The following IPCEF1 variants were observed in gnomAD, a reference collection of about 807,000 sequenced individuals.
IPCEF1 encodes interaction protein for cytohesin exchange factors 1, also known as interactor protein for cytohesin exchange factors 1.
Under a neutral mutation model 50.9 loss-of-function variants are expected in IPCEF1, and 31 were observed. That is an observed-to-expected ratio of 0.61 (90% confidence interval 0.46 to 0.82). The LOEUF (loss-of-function observed/expected upper bound fraction) is 0.82, where lower values mean the gene tolerates loss of function less well. IPCEF1 is among the 40% of genes least tolerant of loss of function. The pLI, the probability that IPCEF1 is intolerant of heterozygous loss-of-function variation, is 0.00. For synonymous variants in IPCEF1, 181 were observed against 192.0 expected (o/e 0.94, Z 0.47); for missense variants, 458 against 514.0 (o/e 0.89, Z 1.05).
rs927184859 is a variant in IPCEF1 at position 154,266,978 on chromosome 6, T to C, written c.-17-1014A>G. Among the ~76,000 whole-genome samples, 11 of 152,180 alleles carry C rather than the reference T, an allele frequency of 7.2e-5. 1 individual carries two copies. Among genetic ancestry groups the C allele is most frequent in the African/African-American group, 2.2e-4 (9 of 41,456 alleles). On this transcript the variant is annotated intron_variant, in intron 2 of 11. Coordinates refer to ENST00000367220, the MANE Select transcript of IPCEF1 (RefSeq NM_001130700.2). Reference sequence around the variant, plus strand: ...ACACATTCATGACCTGTTTGTTTCTTACACCAGTGGAGGTCCCCAAATTCT... The same window carrying C: ...ACACATTCATGACCTGTTTGTTTCTCACACCAGTGGAGGTCCCCAAATTCT...
intron 11 of IPCEF1, among the ~76,000 whole-genome samples, chr6:154,164,171 A>G (rs1583679908): frequency 6.6e-6 from 1 of 152,240 alleles, no homozygotes; most frequent in East Asian, 1.9e-4. Flanking sequence ...ATATTAAAAA[A>G]TTAAATAAGA....
At chr6:154,286,879 C>T (rs1370462691) in intron 2 of IPCEF1, among the ~76,000 whole-genome samples, 1 of 152,170 alleles carries the variant, frequency 6.6e-6, no homozygotes, top group Non-Finnish European at 1.5e-5. Flanking sequence ...TTGTTTGGCC[C>T]CGTGTCCCCA....
rs758298492 is a variant in IPCEF1, at chr6:154,168,579, C to T, written c.911-466G>A. 2.6e-5 allele frequency among the ~76,000 whole-genome samples: 4 copies of T among 151,978 alleles called. No homozygotes were observed. Among genetic ancestry groups the T allele is most frequent in the Non-Finnish European group, 4.4e-5 (3 of 67,996 alleles). ...TATTAGGGGTTAGGACGTCAACATA[C>T]GAATTTTATTAATTAATTAATTAAT... is the stretch of plus-strand genomic sequence containing the variant. On this transcript the variant is annotated intron_variant, in intron 10 of 11. Coordinates refer to ENST00000367220, the MANE Select transcript of IPCEF1 (RefSeq NM_001130700.2). This position sits in a 1 kb window ranked among gnomAD's most constrained non-coding sequence, Gnocchi z 4.1.
In IPCEF1 at chr6:154,238,251, C is replaced by CTTTA. The variant is rs577208382; in HGVS notation, c.246+8336_246+8339dup. ...AAACTCGTGCCATGGTGGTAGGAAC[C>CTTTA]TTTATTTATTTATTTATTTTTTAGA... On this transcript the variant is annotated intron_variant, in intron 5 of 11. Transcript: ENST00000367220. 7.2e-3 allele frequency among the ~76,000 whole-genome samples: 1,100 copies of CTTTA among 151,960 alleles called. 15 individuals are homozygous for CTTTA. Among genetic ancestry groups the CTTTA allele is most frequent in the African/African-American group, 0.026 (1,057 of 41,430 alleles).
intron 1 of IPCEF1, among the ~76,000 whole-genome samples, chr6:154,323,482 A>ATTTAGTATTTACAAATAAACG (rs1441252345): frequency 6.6e-6 from 1 of 152,244 alleles, no homozygotes; most frequent in African/African-American, 2.4e-5. Flanking sequence ...ATAAACGTTT[A>ATTTAGTATTTACAAATAAACG]TTTAGTATTT....
intron 2 of IPCEF1, among the ~76,000 whole-genome samples, chr6:154,281,382 C>G (rs1297485922): frequency 6.6e-6 from 1 of 151,360 alleles, no homozygotes; most frequent in African/African-American, 2.4e-5. Flanking sequence ...TTTAAAGTAG[C>G]CTTGTGTGGT....
chr6:154,238,182 A>C (rs1780290178), intron 5 of IPCEF1, among the ~76,000 whole-genome samples: 1 of 152,198 alleles, frequency 6.6e-6, no homozygotes, highest in African/African-American at 2.4e-5. Flanking sequence ...TATTTTTGTA[A>C]AACATAGAAA....
At chr6:154,223,953 C>T (rs925524207) in intron 5 of IPCEF1, among the ~76,000 whole-genome samples, 4 of 152,142 alleles carry the variant, frequency 2.6e-5, no homozygotes, top group Non-Finnish European at 5.9e-5. Flanking sequence ...CTTTACATCA[C>T]CAAAAACATG....
chr6:154,223,603 T>C (rs1428387835), intron 5 of IPCEF1, among the ~76,000 whole-genome samples: 1 of 152,234 alleles, frequency 6.6e-6, no homozygotes, highest in Non-Finnish European at 1.5e-5. Flanking sequence ...GCATCTTCTA[T>C]TCCTACGACT....
At chr6:154,282,719 T>C (rs971232720) in intron 2 of IPCEF1, among the ~76,000 whole-genome samples, 3 of 152,176 alleles carry the variant, frequency 2.0e-5, no homozygotes, top group Non-Finnish European at 4.4e-5. Context: ...TCAAAGTACT[T>C]ACTCCTCTTT....
intron 2 of IPCEF1, among the ~76,000 whole-genome samples, chr6:154,280,994 G>A (rs1782192784): frequency 6.6e-6 from 1 of 151,982 alleles, no homozygotes; most frequent in Admixed American, 6.6e-5. Flanking sequence ...GAGGCCAGGA[G>A]TTTGAGACCA....
intron 10 of IPCEF1, among the ~76,000 whole-genome samples, chr6:154,191,323 T>C (rs1229693587): frequency 2.6e-5 from 4 of 152,146 alleles, no homozygotes; most frequent in African/African-American, 4.8e-5. Flanking sequence ...TATTAGTGGA[T>C]ACATGACGTT....
chr6:154,237,102 A>C (rs573346514), intron 5 of IPCEF1, among the ~76,000 whole-genome samples: 2 of 152,326 alleles, frequency 1.3e-5, no homozygotes, highest in South Asian at 2.1e-4. Flanking sequence ...TCTGTAGAAG[A>C]AGCAGCTGGA....
intron 9 of IPCEF1, among the ~76,000 whole-genome samples, chr6:154,202,170 A>G (rs1777123093): frequency 6.6e-6 from 1 of 152,216 alleles, no homozygotes; most frequent in Non-Finnish European, 1.5e-5. Flanking sequence ...TACACTTTTA[A>G]GTAGCATGAC....
rs573974098 is a variant in IPCEF1 at position 154,156,212 on chromosome 6, G to A, written c.*3616C>T. The A allele has an allele frequency of 1.3e-5, 2 of 152,426 alleles. No homozygotes were observed. Among genetic ancestry groups the A allele is most frequent in the Non-Finnish European group, 2.9e-5 (2 of 68,088 alleles). 9.4% of individuals were successfully genotyped at this position (152,426 alleles called of 1,614,324 possible). A position where few individuals can be genotyped will look rare whatever the true frequency, so the allele number is the denominator to read the frequency against. On this transcript the variant is annotated 3_prime_UTR_variant, in exon 12 of 12. Coordinates refer to ENST00000367220, the MANE Select transcript of IPCEF1 (RefSeq NM_001130700.2). ...GACAGCCCGCCAGCAGGTTGAGGCAGGACCACTAGGAGGAGACTGTGCTCA... is the reference window on the plus strand; with the variant it reads ...GACAGCCCGCCAGCAGGTTGAGGCAAGACCACTAGGAGGAGACTGTGCTCA...
chr6:154,213,017 C>T (rs1583813782), intron 8 of IPCEF1, 162 bp from the exon 9 acceptor site: 1 of 600,086 alleles, frequency 1.7e-6, no homozygotes. Context: ...AAAGGAATTA[C>T]ATAAGAGGCA....
intron 1 of IPCEF1, among the ~76,000 whole-genome samples, chr6:154,338,797 C>T (rs1178225724): frequency 6.6e-6 from 1 of 152,090 alleles, no homozygotes; most frequent in African/African-American, 2.4e-5. Flanking sequence ...TAAAGCACAC[C>T]TGTGGTCCCA....
intron 1 of IPCEF1, among the ~76,000 whole-genome samples, chr6:154,293,146 A>C (rs1472039037): frequency 6.6e-6 from 1 of 152,252 alleles, no homozygotes. Context: ...ATGTAACTTG[A>C]GTCACAACTT....
rs373792870 is a variant in IPCEF1 at position 154,286,806 on chromosome 6, A to G, written c.-18+2907T>C. The stretch of plus-strand genomic sequence containing the variant: ...CGAGGCAGTACACAAGGACATCTGA[A>G]AAAACAAGTTGCTGGGAATAAAGGC... On this transcript the variant is annotated intron_variant, in intron 2 of 11. Coordinates refer to ENST00000367220, the MANE Select transcript of IPCEF1 (RefSeq NM_001130700.2). 6.8e-4 allele frequency among the ~76,000 whole-genome samples: 103 copies of G among 152,356 alleles called. No individual in the cohort carries two copies. In the South Asian group the frequency reaches 0.02, roughly 30 times the overall value.
Sources: gnomAD v4.1 joint callset for allele counts (sites outside exome capture counted in the v4.1 genomes callset) on GRCh38, gnomAD v4.1.1 for gene constraint, Gnocchi (gnomAD v3.1) non-coding constraint, MANE v1.5 for transcripts, NCBI Gene and HGNC (gene_info 2026-07-23, HGNC 2026-07-21) for gene names.